Variants in AP1B1 observed in about 807,000 individuals in gnomAD.
AP1B1 encodes the protein adaptor related protein complex 1 subunit beta 1.
Under a neutral mutation model 104.3 loss-of-function variants are expected in AP1B1, and 36 were observed. The observed-to-expected ratio is 0.35, with a 90% CI of 0.26 to 0.46. The LOEUF is 0.46. Among genes scored for constraint, AP1B1 ranks in the 20% least tolerant of loss-of-function variants. The pLI is 1.00. For synonymous variants in AP1B1, 504 were observed against 517.5 expected (o/e 0.97, Z 0.35); for missense variants, 901 against 1,247.9 (o/e 0.72, Z 4.19).
At chr22:29,334,229 CTCT>C in intron 17 of AP1B1, 33 bp downstream of exon 17, 5 of 1,549,248 alleles carry the variant, frequency 3.2e-6, no homozygotes, top group African/African-American at 1.4e-5. Context: ...CACAGGCCTC[CTCT>C]TGAGAGGTGC....
chr22:29,337,090 C>T (rs899956457), intron 16 of AP1B1, among the ~76,000 whole-genome samples: 2 of 152,222 alleles, frequency 1.3e-5, no homozygotes, highest in African/African-American at 4.8e-5. Context: ...TCCCGTGGCC[C>T]TGCTGGCCCT....
rs113565322 is a variant in AP1B1, at chr22:29,363,767, T to C, written c.38-661A>G. Among the ~76,000 whole-genome samples the C allele has an allele frequency of 5.3e-3, 807 of 152,012 alleles. 6 individuals carry two copies. The highest frequency in any genetic ancestry group is 0.019 in the African/African-American group (769 of 41,432). On this transcript the variant is annotated intron_variant, in intron 2 of 22. Coordinates refer to ENST00000357586, the MANE Select transcript of AP1B1 (RefSeq NM_001127.4). ...TTTTAATTAGCCGGGTGTGGTGGCATGTGCCTGCCGTGCCAGCTACTCTGG... is the reference window on the plus strand; with the variant it reads ...TTTTAATTAGCCGGGTGTGGTGGCACGTGCCTGCCGTGCCAGCTACTCTGG...
intron 16 of AP1B1, among the ~76,000 whole-genome samples, chr22:29,334,833 G>C (rs1337961980): frequency 6.6e-6 from 1 of 152,222 alleles, no homozygotes; most frequent in Non-Finnish European, 1.5e-5. Context: ...GCCAGAATCT[G>C]GGCCTTCCTG....
intron 2 of AP1B1, among the ~76,000 whole-genome samples, chr22:29,365,093 C>T (rs1602768841): frequency 6.6e-6 from 1 of 152,196 alleles, no homozygotes; most frequent in East Asian, 1.9e-4. Flanking sequence ...CTGCATTTCC[C>T]TCCGTTTTGC....
intron 1 of AP1B1, among the ~76,000 whole-genome samples, chr22:29,368,540 G>A (rs889641745): frequency 6.6e-6 from 1 of 152,150 alleles, no homozygotes; most frequent in Non-Finnish European, 1.5e-5. Context: ...ACTTAATCTT[G>A]TCAATAATGT....
chr22:29,328,591 A>T lies in AP1B1; in HGVS notation c.*230T>A. On this transcript the variant is annotated 3_prime_UTR_variant, in exon 23 of 23. Coordinates refer to ENST00000357586, the MANE Select transcript of AP1B1 (RefSeq NM_001127.4). This position sits in a 1 kb window ranked among gnomAD's most constrained non-coding sequence, Gnocchi z 4.1. ...CCCACCTCACTTAACCCCACATCAC[A>T]GCCACAGGAGCAGGGGTGTCCCAGA... 1 of 524,588 alleles carries T rather than the reference A, an allele frequency of 1.9e-6. No homozygotes were observed. Among genetic ancestry groups the T allele is most frequent in the Non-Finnish European group, 3.4e-6 (1 of 292,098 alleles). 32.5% of individuals were successfully genotyped at this position (524,588 alleles called of 1,614,324 possible).
At chr22:29,357,114 A>G (rs1458549666) in intron 5 of AP1B1, among the ~76,000 whole-genome samples, 1 of 150,096 alleles carries the variant, frequency 6.7e-6, no homozygotes, top group African/African-American at 2.5e-5. Context: ...CCCAGGTTGC[A>G]GTGCAGTGGT....
At chr22:29,378,208 G>C (rs751983653) in intron 1 of AP1B1, among the ~76,000 whole-genome samples, 3 of 152,124 alleles carry the variant, frequency 2.0e-5, no homozygotes, top group Non-Finnish European at 2.9e-5. Flanking sequence ...GCCTATCTGG[G>C]TGCGCTTGCC....
chr22:29,356,940 C>T (rs965181680), intron 5 of AP1B1, among the ~76,000 whole-genome samples: 1 of 152,234 alleles, frequency 6.6e-6, no homozygotes, highest in African/African-American at 2.4e-5. Context: ...TGCTTGTCAG[C>T]TGTGCTTCTC....
intron 21 of AP1B1, chr22:29,330,084 C>T (rs1179904403): frequency 4.2e-6 from 6 of 1,413,582 alleles, no homozygotes; most frequent in Non-Finnish European, 5.5e-6. Context: ...CTGTGCCCAG[C>T]AATGTCACTT....
At chr22:29,372,081 T>C (rs945913055) in intron 1 of AP1B1, among the ~76,000 whole-genome samples, 48 of 152,188 alleles carry the variant, frequency 3.2e-4, no homozygotes, top group African/African-American at 1.1e-3. Context: ...GACTTTGATG[T>C]CACATCCCAG....
intron 1 of AP1B1, among the ~76,000 whole-genome samples, chr22:29,371,338 G>C (rs932906463): frequency 2.0e-5 from 3 of 152,220 alleles, no homozygotes; most frequent in African/African-American, 7.2e-5. Flanking sequence ...CCTGGCACCT[G>C]CTTGGCTGTT....
chr22:29,344,730 G>A (rs1428385526), intron 11 of AP1B1, among the ~76,000 whole-genome samples: 2 of 151,874 alleles, frequency 1.3e-5, no homozygotes, highest in African/African-American at 2.4e-5. Context: ...TGTTGGCCAG[G>A]CTGGTCTCAG....
At chr22:29,369,824 G>A (rs1037754978) in intron 1 of AP1B1, among the ~76,000 whole-genome samples, 2 of 149,182 alleles carry the variant, frequency 1.3e-5, no homozygotes, top group Non-Finnish European at 3.0e-5. Flanking sequence ...GGAATTTACC[G>A]ACATTAAAAA....
Position 29,331,541 on chromosome 22 carries a change from C to G in AP1B1, c.2440-8G>C. 1.9e-6 allele frequency: 3 copies of G among 1,614,150 alleles called. No homozygotes were observed. Among genetic ancestry groups the G allele is most frequent in the Non-Finnish European group, 2.5e-6 (3 of 1,180,014 alleles). ...GTTGTTCTTCACGGCCACCTAGGCA[C>G]AAGGGGGTCCCCAGTCAGTCTCTGG... On this transcript the variant is annotated splice_polypyrimidine_tract_variant and splice_region_variant and intron_variant, in intron 18 of 22. Coordinates refer to ENST00000357586, the MANE Select transcript of AP1B1 (RefSeq NM_001127.4).
chr22:29,354,887 T>C lies in AP1B1; in HGVS notation c.717-16A>G, dbSNP rs765432281. 5 of 1,606,190 alleles carry C rather than the reference T, an allele frequency of 3.1e-6. No homozygotes were observed. Among genetic ancestry groups the C allele is most frequent in the Non-Finnish European group, 3.4e-6 (4 of 1,172,954 alleles). On this transcript the variant is annotated splice_polypyrimidine_tract_variant and intron_variant, in intron 6 of 22. Coordinates refer to ENST00000357586, the MANE Select transcript of AP1B1 (RefSeq NM_001127.4). ...CTCACAGATGCTGGGGTCCGTCCATTCCAACGGGGCAAACAGGAAAGACAA... is the reference window on the plus strand; with the variant it reads ...CTCACAGATGCTGGGGTCCGTCCATCCCAACGGGGCAAACAGGAAAGACAA...
At chr22:29,329,936 G>A in intron 21 of AP1B1, 5 of 1,427,804 alleles carry the variant, frequency 3.5e-6, no homozygotes, top group Non-Finnish European at 3.7e-6. Flanking sequence ...GAACAGCGGT[G>A]CAGGCCTCCA....
chr22:29,368,256 C>T (rs1048463114), intron 1 of AP1B1, among the ~76,000 whole-genome samples: 2 of 152,052 alleles, frequency 1.3e-5, no homozygotes, highest in Non-Finnish European at 2.9e-5. Flanking sequence ...TGAGACCACA[C>T]CACTGCACTC....
chr22:29,354,151 T>C (rs1202138491), intron 7 of AP1B1, among the ~76,000 whole-genome samples: 1 of 152,156 alleles, frequency 6.6e-6, no homozygotes, highest in Non-Finnish European at 1.5e-5. Context: ...GGTTCCAACC[T>C]CAGAGAGTTT....
Sources: gnomAD v4.1 joint callset for allele counts (sites outside exome capture counted in the v4.1 genomes callset) on GRCh38, gnomAD v4.1.1 for gene constraint, Gnocchi (gnomAD v3.1) non-coding constraint, MANE v1.5 for transcripts, NCBI Gene and HGNC (gene_info 2026-07-23, HGNC 2026-07-21) for gene names.